SCAF8: variants seen among roughly 807,000 people sequenced by gnomAD.
The protein encoded by SCAF8 is SR-related CTD associated factor 8.
Under a neutral mutation model 140.5 loss-of-function variants are expected in SCAF8, and 23 were observed. The observed-to-expected ratio is 0.16, with a 90% CI of 0.12 to 0.23. The LOEUF (loss-of-function observed/expected upper bound fraction) is 0.23, where lower values mean the gene tolerates loss of function less well. Ranked by LOEUF, SCAF8 falls within the 10% of genes least tolerant of loss-of-function variation. SCAF8 has a pLI of 1.00. For missense variants in SCAF8, 1,397 were observed against 1,555.7 expected, an observed-to-expected ratio of 0.90 and a Z score of 1.72; for synonymous variants, 575 against 528.9, an observed-to-expected ratio of 1.09 and a Z score of -1.20.
At position 154,754,377 on chromosome 6, in the gene SCAF8, G is replaced by A. The variant is rs554922390; in HGVS notation, c.31-19612G>A. On this transcript the variant is annotated intron_variant, in intron 1 of 19. Coordinates refer to ENST00000367178, the MANE Select transcript of SCAF8 (RefSeq NM_014892.5). ...GTCATCCATCATCTGATTCAGTGACGTTGCTAGCTAGTGAACTTTTTGTTT... is the reference window on the plus strand; with the variant it reads ...GTCATCCATCATCTGATTCAGTGACATTGCTAGCTAGTGAACTTTTTGTTT... Among the ~76,000 whole-genome samples the A allele has an allele frequency of 3.3e-5, 5 of 152,274 alleles. No homozygotes were observed. In the South Asian group the frequency reaches 6.2e-4, roughly 19 times the overall value.
At chr6:154,760,575 CTG>C (rs1474476209) in intron 1 of SCAF8, among the ~76,000 whole-genome samples, 1 of 151,990 alleles carries the variant, frequency 6.6e-6, no homozygotes, top group Admixed American at 6.5e-5. Context: ...ACTCTGCTAA[CTG>C]TGTCTATTAG....
At chr6:154,778,974 T>G (rs1434049287) in intron 3 of SCAF8, among the ~76,000 whole-genome samples, 4 of 152,226 alleles carry the variant, frequency 2.6e-5, no homozygotes, top group African/African-American at 9.6e-5. Context: ...GAGATTGTTC[T>G]GATTAAAGAT....
At chr6:154,761,363 A>G (rs1776394502) in intron 1 of SCAF8, among the ~76,000 whole-genome samples, 1 of 151,738 alleles carries the variant, frequency 6.6e-6, no homozygotes, top group Non-Finnish European at 1.5e-5. Flanking sequence ...GCGGGTGCCC[A>G]TAATCCCAGC....
At chr6:154,807,255 T>G (rs927072381) in intron 9 of SCAF8, among the ~76,000 whole-genome samples, 1 of 152,182 alleles carries the variant, frequency 6.6e-6, no homozygotes, top group Non-Finnish European at 1.5e-5. Context: ...AACTCTGGGC[T>G]TAGTTAATTA....
chr6:154,818,658 T>C, intron 14 of SCAF8, 66 bp downstream of exon 14: 1 of 693,338 alleles, frequency 1.4e-6, no homozygotes, highest in Non-Finnish European at 2.5e-6. Flanking sequence ...TATGTTAAAG[T>C]CTGAGTTTTT....
chr6:154,748,353 A>T (rs1266855891), intron 1 of SCAF8, among the ~76,000 whole-genome samples: 1 of 152,192 alleles, frequency 6.6e-6, no homozygotes, highest in Non-Finnish European at 1.5e-5. Flanking sequence ...GCCGCTGTGG[A>T]TATAGTTGCT....
intron 11 of SCAF8, among the ~76,000 whole-genome samples, chr6:154,809,278 T>C (rs979896800): frequency 5.3e-5 from 8 of 152,194 alleles, no homozygotes; most frequent in Non-Finnish European, 7.3e-5. Context: ...AACATTTTTG[T>C]ATCCTATTTT....
chr6:154,779,587 A>C (rs1254124616), intron 3 of SCAF8, among the ~76,000 whole-genome samples: 1 of 152,174 alleles, frequency 6.6e-6, no homozygotes, highest in Non-Finnish European at 1.5e-5. Context: ...ACTTTGAATA[A>C]AATGTGTCAG....
At chr6:154,802,585 C>T (rs1777802173) in intron 7 of SCAF8, among the ~76,000 whole-genome samples, 1 of 151,838 alleles carries the variant, frequency 6.6e-6, no homozygotes, top group South Asian at 2.1e-4. Flanking sequence ...CAACTGTTCT[C>T]CAGCCTGGGT....
At chr6:154,789,170 A>T (rs921448808) in intron 4 of SCAF8, among the ~76,000 whole-genome samples, 2 of 151,680 alleles carry the variant, frequency 1.3e-5, no homozygotes, top group Non-Finnish European at 2.9e-5. Flanking sequence ...GTGCAATGGC[A>T]TGATCTTGGC....
intron 3 of SCAF8, among the ~76,000 whole-genome samples, chr6:154,786,159 G>A (rs1777252301): frequency 6.6e-6 from 1 of 152,170 alleles, no homozygotes; most frequent in African/African-American, 2.4e-5. Flanking sequence ...TTGGATCAGA[G>A]TTTTTAAAGA....
chr6:154,827,899 G>A (rs146497050), intron 18 of SCAF8, among the ~76,000 whole-genome samples: 116 of 151,644 alleles, frequency 7.6e-4, no homozygotes, highest in African/African-American at 2.6e-3. Flanking sequence ...GCAAAATGGA[G>A]CCAAAAGTAC....
chr6:154,740,634 T>A (rs948768358), intron 1 of SCAF8, among the ~76,000 whole-genome samples: 1 of 151,194 alleles, frequency 6.6e-6, no homozygotes, highest in Non-Finnish European at 1.5e-5. Flanking sequence ...TCTTTTTTTT[T>A]TTTTTGAGAC....
At chr6:154,749,002 C>T (rs981929446) in intron 1 of SCAF8, among the ~76,000 whole-genome samples, 1 of 152,066 alleles carries the variant, frequency 6.6e-6, no homozygotes. Flanking sequence ...AGTGCAGTGG[C>T]GCCATCTTGG....
chr6:154,733,958 T>G, intron 1 of SCAF8, 28 bp downstream of exon 1: 1 of 1,518,630 alleles, frequency 6.6e-7, no homozygotes. Flanking sequence ...GTTCCCCTGC[T>G]CCTGCCCGCA....
intron 3 of SCAF8, among the ~76,000 whole-genome samples, chr6:154,778,551 G>C (rs969307343): frequency 6.6e-6 from 1 of 152,130 alleles, no homozygotes; most frequent in Non-Finnish European, 1.5e-5. Context: ...GATCACTTGA[G>C]GCCAGGAGTT....
At chr6:154,757,848 G>T (rs1779004056) in intron 1 of SCAF8, among the ~76,000 whole-genome samples, 1 of 150,840 alleles carries the variant, frequency 6.6e-6, no homozygotes, top group African/African-American at 2.4e-5. Context: ...ATTGGCATTT[G>T]TTGATTGTTT....
At chr6:154,827,987 A>G (rs1778619867) in intron 18 of SCAF8, among the ~76,000 whole-genome samples, 1 of 152,142 alleles carries the variant, frequency 6.6e-6, no homozygotes, top group African/African-American at 2.4e-5. Flanking sequence ...AGTGGTACGT[A>G]TATTACAATT....
chr6:154,761,350 G>T (rs2114824637), intron 1 of SCAF8, among the ~76,000 whole-genome samples: 1 of 152,122 alleles, frequency 6.6e-6, no homozygotes, highest in East Asian at 1.9e-4. Context: ...GCTGGGCATA[G>T]TGGCGGGTGC....
Sources: gnomAD v4.1 joint callset for allele counts (sites outside exome capture counted in the v4.1 genomes callset) on GRCh38, gnomAD v4.1.1 for gene constraint, MANE v1.5 for transcripts, NCBI Gene and HGNC (gene_info 2026-07-23, HGNC 2026-07-21) for gene names.